The following PTPRD variants were observed in gnomAD, a reference collection of about 807,000 sequenced individuals.
PTPRD encodes the protein receptor-type tyrosine-protein phosphatase delta.
A neutral mutation model predicts 214.5 loss-of-function variants in PTPRD; 34 were observed. That is an observed-to-expected ratio of 0.16 (90% CI 0.12 to 0.21). PTPRD has a LOEUF of 0.21. Ranked by LOEUF, PTPRD falls within the 10% of genes least tolerant of loss-of-function variation. The pLI is 1.00. For synonymous variants in PTPRD, 1,128 were observed against 845.7 expected, an observed-to-expected ratio of 1.33 and a Z score of -5.79; for missense variants, 2,545 against 2,398.7, an observed-to-expected ratio of 1.06 and a Z score of -1.27.
At chr9:9,923,367 G>A (rs1167945815) in intron 5 of PTPRD, among the ~76,000 whole-genome samples, 1 of 151,068 alleles carries the variant, frequency 6.6e-6, no homozygotes, top group African/African-American at 2.4e-5. Flanking sequence ...AAGACAGGAA[G>A]AGGAGAGCAA....
intron 8 of PTPRD, among the ~76,000 whole-genome samples, chr9:9,542,870 G>C (rs2077927484): frequency 6.6e-6 from 1 of 151,652 alleles, no homozygotes; most frequent in African/African-American, 2.4e-5. Flanking sequence ...TTGTGCTGCA[G>C]GAGCATGAAA....
intron 7 of PTPRD, among the ~76,000 whole-genome samples, chr9:9,680,214 T>TA (rs373383694): frequency 2.0e-5 from 3 of 151,950 alleles, no homozygotes; most frequent in Middle Eastern, 3.4e-3. Flanking sequence ...CTTAAAATGA[T>TA]AAAAAAGCCT....
intron 4 of PTPRD, among the ~76,000 whole-genome samples, chr9:9,958,301 G>A (rs1226727622): frequency 2.6e-5 from 4 of 152,120 alleles, no homozygotes; most frequent in Non-Finnish European, 4.4e-5. Context: ...AGGCTGAGGT[G>A]GGTGGATCAC....
chr9:9,297,568 T>C (rs1486065576), intron 9 of PTPRD, among the ~76,000 whole-genome samples: 2 of 151,796 alleles, frequency 1.3e-5, no homozygotes, highest in East Asian at 3.9e-4. Flanking sequence ...TTTCAGGTAG[T>C]TTCCACAGAA....
At chr9:8,947,186 G>A (rs530299978) in intron 11 of PTPRD, among the ~76,000 whole-genome samples, 6 of 151,680 alleles carry the variant, frequency 4.0e-5, no homozygotes, top group African/African-American at 1.2e-4. Flanking sequence ...ATGGTAGGTT[G>A]GGCGTGGTGG....
At chr9:9,532,716 G>A (rs1175253780) in intron 8 of PTPRD, among the ~76,000 whole-genome samples, 1 of 152,128 alleles carries the variant, frequency 6.6e-6, no homozygotes, top group Non-Finnish European at 1.5e-5. Flanking sequence ...TGGATGATTA[G>A]TGATTTATTT....
chr9:10,432,452 G>C, intron 2 of PTPRD, among the ~76,000 whole-genome samples: 1 of 151,410 alleles, frequency 6.6e-6, no homozygotes, highest in East Asian at 2.0e-4. Flanking sequence ...AAAAAGAAAG[G>C]TTTCTTTCCA....
chr9:9,001,072 G>A (rs1404541713), intron 11 of PTPRD, among the ~76,000 whole-genome samples: 1 of 151,948 alleles, frequency 6.6e-6, no homozygotes, highest in African/African-American at 2.4e-5. Flanking sequence ...TCAAATTTCT[G>A]TTGATTGTGG....
intron 3 of PTPRD, among the ~76,000 whole-genome samples, chr9:10,264,173 A>G (rs1057353216): frequency 1.3e-5 from 2 of 152,162 alleles, no homozygotes; most frequent in African/African-American, 4.8e-5. Context: ...GACAGTGTGG[A>G]AGGGAAATGT....
intron 26 of PTPRD, 128 bp from the exon 27 acceptor site, chr9:8,493,107 A>G: frequency 1.4e-6 from 1 of 726,748 alleles, no homozygotes; most frequent in East Asian, 2.6e-5. Context: ...AGCCCTGGAA[A>G]TTTCATGCCT....
chr9:10,584,032 T>C (rs1005892281), intron 2 of PTPRD, among the ~76,000 whole-genome samples: 1 of 152,160 alleles, frequency 6.6e-6, no homozygotes, highest in Non-Finnish European at 1.5e-5. Context: ...GTTAGTGAAT[T>C]GTGAGTCAAT....
At chr9:9,421,891 G>A (rs10759068) in intron 8 of PTPRD, among the ~76,000 whole-genome samples, 122,309 of 151,800 alleles carry the variant, frequency 0.81, 49,399 homozygotes, top group Non-Finnish European at 0.81. Context: ...GATGGGAAAT[G>A]AAAGTCTGAT....
intron 36 of PTPRD, among the ~76,000 whole-genome samples, chr9:8,397,780 T>A (rs2091538248): frequency 6.6e-6 from 1 of 152,170 alleles, no homozygotes; most frequent in East Asian, 1.9e-4. Flanking sequence ...GAGGTGGTGA[T>A]TCCATGTGAG....
intron 11 of PTPRD, among the ~76,000 whole-genome samples, chr9:8,996,731 C>A (rs1243816112): frequency 6.6e-6 from 1 of 152,030 alleles, no homozygotes; most frequent in Non-Finnish European, 1.5e-5. Context: ...TTTATAAGGA[C>A]AGTAATTCCT....
At chr9:8,427,845 A>T (rs745355041) in intron 35 of PTPRD, among the ~76,000 whole-genome samples, 1 of 152,008 alleles carries the variant, frequency 6.6e-6, no homozygotes, top group Non-Finnish European at 1.5e-5. Flanking sequence ...TCGTGCAGTT[A>T]TAGGGGTGAT....
intron 12 of PTPRD, among the ~76,000 whole-genome samples, chr9:8,651,254 G>T (rs920232885): frequency 6.6e-6 from 1 of 152,032 alleles, no homozygotes; most frequent in East Asian, 1.9e-4. Context: ...CAGTGGCCCC[G>T]CCCATTCACA....
intron 9 of PTPRD, among the ~76,000 whole-genome samples, chr9:9,235,465 G>C (rs4742575): frequency 0.22 from 33,778 of 152,112 alleles, 4,156 homozygotes; most frequent in Middle Eastern, 0.33. Context: ...AAAGTGGACA[G>C]TTTTTCTTTG....
intron 2 of PTPRD, among the ~76,000 whole-genome samples, chr9:10,536,448 G>A (rs1404898239): frequency 6.6e-6 from 1 of 152,012 alleles, no homozygotes; most frequent in Non-Finnish European, 1.5e-5. Context: ...TTAAAATCTA[G>A]ACTAATCCAT....
intron 9 of PTPRD, among the ~76,000 whole-genome samples, chr9:9,298,858 A>G (rs1158861169): frequency 6.6e-6 from 1 of 151,838 alleles, no homozygotes; most frequent in Non-Finnish European, 1.5e-5. Context: ...ATATGATTAT[A>G]CCACAAGGCA....
Sources: gnomAD v4.1 joint callset for allele counts (sites outside exome capture counted in the v4.1 genomes callset) on GRCh38, gnomAD v4.1.1 for gene constraint, MANE v1.5 for transcripts, NCBI Gene and HGNC (gene_info 2026-07-23, HGNC 2026-07-21) for gene names.